Variants in RAMP1 observed in about 807,000 individuals in gnomAD.
The protein encoded by RAMP1 is receptor activity modifying protein 1.
Under a neutral mutation model 8.2 loss-of-function variants are expected in RAMP1, and 7 were observed. The observed-to-expected ratio is 0.85, with a 90% CI of 0.49 to 1.60. The LOEUF (loss-of-function observed/expected upper bound fraction) is 1.60. Among genes scored for constraint, RAMP1 ranks in the 40% most tolerant of loss-of-function variants. RAMP1 has a pLI of 0.00. For missense variants in RAMP1, 192 were observed against 202.4 expected (o/e 0.95, Z 0.31); for synonymous variants, 92 against 84.7 (o/e 1.09, Z -0.47).
At chr2:237,875,692 C>G (rs3820796) in intron 1 of RAMP1, among the ~76,000 whole-genome samples, 29,970 of 152,152 alleles carry the variant, frequency 0.2, 3,307 homozygotes, top group African/African-American at 0.3. Context: ...GCCTCAGCCC[C>G]GTGCAGGGCT....
At chr2:237,876,739 C>T (rs1219289802) in intron 1 of RAMP1, among the ~76,000 whole-genome samples, 1 of 152,130 alleles carries the variant, frequency 6.6e-6, no homozygotes, top group Admixed American at 6.5e-5. Context: ...CACTGTTGCT[C>T]TGGTGTATGG....
intron 2 of RAMP1, among the ~76,000 whole-genome samples, chr2:237,905,466 C>T (rs1576557979): frequency 6.6e-6 from 1 of 152,222 alleles, no homozygotes; most frequent in Non-Finnish European, 1.5e-5. Context: ...CACCCACACA[C>T]GGCCCTATCT....
At chr2:237,902,160 G>A (rs538212180) in intron 2 of RAMP1, among the ~76,000 whole-genome samples, 2 of 152,178 alleles carry the variant, frequency 1.3e-5, no homozygotes, top group African/African-American at 2.4e-5. Context: ...CCTCTCCTCC[G>A]GGGGCTGGTA....
At chr2:237,875,984 T>G (rs2062298968) in intron 1 of RAMP1, among the ~76,000 whole-genome samples, 1 of 152,150 alleles carries the variant, frequency 6.6e-6, no homozygotes, top group Non-Finnish European at 1.5e-5. Context: ...CCATACCACT[T>G]CCGGCCATGG....
intron 2 of RAMP1, among the ~76,000 whole-genome samples, chr2:237,879,833 T>C (rs1217899090): frequency 6.7e-6 from 1 of 148,934 alleles, no homozygotes; most frequent in Non-Finnish European, 1.5e-5. Flanking sequence ...CTACTAAAAA[T>C]ATAAAAATTA....
At chr2:237,908,176 T>C (rs904162148) in intron 2 of RAMP1, among the ~76,000 whole-genome samples, 1 of 152,250 alleles carries the variant, frequency 6.6e-6, no homozygotes, top group African/African-American at 2.4e-5. Flanking sequence ...CTGCCTGTGC[T>C]GCAGCATGGA....
chr2:237,898,527 G>A (rs116294556), intron 2 of RAMP1, among the ~76,000 whole-genome samples: 1 of 152,230 alleles, frequency 6.6e-6, no homozygotes, highest in South Asian at 2.1e-4. Context: ...CTCAGAGCCT[G>A]CTGGCCCAGC....
chr2:237,876,204 A>G (rs1366346890), intron 1 of RAMP1, among the ~76,000 whole-genome samples: 1 of 152,066 alleles, frequency 6.6e-6, no homozygotes, highest in Non-Finnish European at 1.5e-5. Flanking sequence ...GGAGACTGGT[A>G]CTCCAGAACC....
rs1576541019 is a variant in RAMP1, at chr2:237,878,135, C to T, written c.191+773C>T. 31 of 985,446 alleles carry T rather than the reference C, an allele frequency of 3.1e-5. No homozygotes were observed. The highest frequency in any genetic ancestry group is 3.7e-5 in the Non-Finnish European group (31 of 829,934). 61.0% of individuals were successfully genotyped at this position (985,446 alleles called of 1,614,324 possible). A position where few individuals can be genotyped will look rare whatever the true frequency, so the allele number is the denominator to read the frequency against. On this transcript the variant is annotated intron_variant, in intron 2 of 2. Coordinates refer to ENST00000254661, the MANE Select transcript of RAMP1 (RefSeq NM_005855.4). This position sits in a 1 kb window ranked among gnomAD's most constrained non-coding sequence, Gnocchi z 5.7. ...TGAGTAGCGGGGTCAGCAGTGCATGCGTGGAGCTGAAGGCCACCGCCTCCC... is the reference window on the plus strand; with the variant it reads ...TGAGTAGCGGGGTCAGCAGTGCATGTGTGGAGCTGAAGGCCACCGCCTCCC...
rs1438786800 is a variant in RAMP1 at position 237,865,293 on chromosome 2, G to A, written c.52+5566G>A. ...GAGAGGAGGGGAGGGGAGAGCAGGG[G>A]AGAGGAGAGGAGGGGAGGGCAGGGG... On this transcript the variant is annotated intron_variant, in intron 1 of 2. Transcript: ENST00000254661. The surrounding 1 kb of genome is among the most constrained non-coding windows in gnomAD (Gnocchi z 4.2). Among the ~76,000 whole-genome samples the A allele has an allele frequency of 7.7e-6, 1 of 129,826 alleles. No homozygotes were observed. The highest frequency in any genetic ancestry group is 2.9e-5 in the African/African-American group (1 of 35,012). The allele number at this position is 129,826 out of a possible 152,430, so 85.2% of individuals were successfully genotyped here. A position where few individuals can be genotyped will look rare whatever the true frequency, so the allele number is the denominator to read the frequency against.
intron 2 of RAMP1, among the ~76,000 whole-genome samples, chr2:237,900,602 TATTA>T (rs1276030797): frequency 6.6e-6 from 1 of 152,240 alleles, no homozygotes; most frequent in Non-Finnish European, 1.5e-5. Flanking sequence ...AATTTATAAC[TATTA>T]ATTTTTCTCA....
chr2:237,885,232 G>A (rs748787844), intron 2 of RAMP1, among the ~76,000 whole-genome samples: 2 of 148,138 alleles, frequency 1.4e-5, no homozygotes, highest in Non-Finnish European at 3.0e-5. Context: ...CTGAAATCAC[G>A]AGGGCTGTCT....
At chr2:237,901,953 G>A (rs950615453) in intron 2 of RAMP1, among the ~76,000 whole-genome samples, 2 of 152,082 alleles carry the variant, frequency 1.3e-5, no homozygotes, top group East Asian at 1.9e-4. Flanking sequence ...CACAGTGATG[G>A]GGCCTCAGGA....
At chr2:237,898,215 T>A (rs2062562157) in intron 2 of RAMP1, among the ~76,000 whole-genome samples, 1 of 152,230 alleles carries the variant, frequency 6.6e-6, no homozygotes, top group Admixed American at 6.5e-5. Flanking sequence ...AGATAAACCA[T>A]AGTCAGAGCC....
intron 2 of RAMP1, among the ~76,000 whole-genome samples, chr2:237,909,575 G>A (rs1480679405): frequency 6.6e-6 from 1 of 152,120 alleles, no homozygotes. Context: ...GGGAATGCAG[G>A]GCTGGAGGCA....
chr2:237,900,899 C>T (rs761473138), intron 2 of RAMP1, among the ~76,000 whole-genome samples: 16 of 152,182 alleles, frequency 1.1e-4, no homozygotes, highest in Non-Finnish European at 2.2e-4. Context: ...TTTGAAAAGC[C>T]GGCTGAGTCT....
rs772822050 is a variant in RAMP1, at chr2:237,877,392, C to G, written c.191+30C>G. The G allele has an allele frequency of 5.0e-6, 8 of 1,598,192 alleles. No homozygotes were observed. Among genetic ancestry groups the G allele is most frequent in the Non-Finnish European group, 6.0e-6 (7 of 1,171,986 alleles). On this transcript the variant is annotated intron_variant, in intron 2 of 2. Transcript: ENST00000254661. This position sits in a 1 kb window ranked among gnomAD's most constrained non-coding sequence, Gnocchi z 4.4. ...GTCCCATGGCCCCTGGTGGGCAGGACACGGTTGGGGAGGGAGAGGGGGCAA... is the reference window on the plus strand; with the variant it reads ...GTCCCATGGCCCCTGGTGGGCAGGAGACGGTTGGGGAGGGAGAGGGGGCAA...
intron 2 of RAMP1, among the ~76,000 whole-genome samples, chr2:237,903,613 C>T (rs1046066460): frequency 1.3e-5 from 2 of 151,888 alleles, no homozygotes; most frequent in African/African-American, 4.8e-5. Context: ...CAATCTCCCA[C>T]CTCCCTGGGC....
In RAMP1 at chr2:237,877,985, C is replaced by T. The variant is rs1175515850; in HGVS notation, c.191+623C>T. On this transcript the variant is annotated intron_variant, in intron 2 of 2. Coordinates refer to ENST00000254661, the MANE Select transcript of RAMP1 (RefSeq NM_005855.4). This position sits in a 1 kb window ranked among gnomAD's most constrained non-coding sequence, Gnocchi z 4.4. ...CCCATCAGCAGGCCGGGGGGTTCTCCCCAGCAGGCCCAGGCTCCTCTGCCT... is the reference window on the plus strand; with the variant it reads ...CCCATCAGCAGGCCGGGGGGTTCTCTCCAGCAGGCCCAGGCTCCTCTGCCT... 2 of 985,320 alleles carry T rather than the reference C, an allele frequency of 2.0e-6. No homozygotes were observed. Among genetic ancestry groups the T allele is most frequent in the African/African-American group, 3.5e-5 (2 of 57,256 alleles). The allele number at this position is 985,320 out of a possible 1,614,324, so 61.0% of individuals were successfully genotyped here.
Sources: gnomAD v4.1 joint callset for allele counts (sites outside exome capture counted in the v4.1 genomes callset) on GRCh38, gnomAD v4.1.1 for gene constraint, Gnocchi (gnomAD v3.1) non-coding constraint, MANE v1.5 for transcripts, NCBI Gene and HGNC (gene_info 2026-07-23, HGNC 2026-07-21) for gene names.